LRBA: variants seen among roughly 807,000 people sequenced by gnomAD.
LRBA encodes LPS responsive beige-like anchor protein, also known as lipopolysaccharide-responsive and beige-like anchor protein.
In LRBA, 176 loss-of-function variants were observed where a neutral mutation model predicts 330.0. The ratio of observed to expected loss-of-function variants is 0.53; its 90% CI spans 0.47 to 0.60. The LOEUF is 0.60. LRBA is among the 20% of genes least tolerant of loss of function. LRBA has a pLI of 0.00. For synonymous variants in LRBA, 1,230 were observed against 1,193.0 expected (o/e 1.03, Z -0.64); for missense variants, 3,259 against 3,444.8 (o/e 0.95, Z 1.35).
chr4:150,423,788 T>A (rs1749161920), intron 46 of LRBA: 1 of 160,994 alleles, frequency 6.2e-6, no homozygotes, highest in Non-Finnish European at 1.3e-5. Flanking sequence ...GGTTAGTTCT[T>A]ACTCTTTAGA....
intron 17 of LRBA, among the ~76,000 whole-genome samples, chr4:150,883,992 A>G (rs895662313): frequency 6.6e-6 from 1 of 152,218 alleles, no homozygotes; most frequent in Non-Finnish European, 1.5e-5. Flanking sequence ...ACTGAAAAAT[A>G]TTTATTGTTG....
chr4:150,278,695 A>G (rs1301644313), intron 55 of LRBA, among the ~76,000 whole-genome samples: 1 of 152,216 alleles, frequency 6.6e-6, no homozygotes, highest in Non-Finnish European at 1.5e-5. Flanking sequence ...GCATCCATGA[A>G]TGAAAGCCTG....
intron 2 of LRBA, among the ~76,000 whole-genome samples, chr4:150,975,267 G>A (rs1427598025): frequency 1.3e-5 from 2 of 152,162 alleles, no homozygotes; most frequent in East Asian, 1.9e-4. Flanking sequence ...AGTGGCTCAC[G>A]CCTGTAATCC....
Position 150,321,851 on chromosome 4 carries a change from G to A in LRBA, c.7453-483C>T, listed in dbSNP as rs556795459. 1.3e-5 allele frequency among the ~76,000 whole-genome samples: 2 copies of A among 152,060 alleles called. No individual in the cohort carries two copies. The highest frequency in any genetic ancestry group is 1.5e-5 in the Non-Finnish European group (1 of 68,006). On this transcript the variant is annotated intron_variant, in intron 49 of 56. Coordinates refer to ENST00000651943, the MANE Select transcript of LRBA (RefSeq NM_001364905.1). This position sits in a 1 kb window ranked among gnomAD's most constrained non-coding sequence, Gnocchi z 4.5. ...CATCAAAAGTTGTGTTGAGTTAGCAGGAAGATTTTGACAACTACAAAGAGG... is the reference window on the plus strand; with the variant it reads ...CATCAAAAGTTGTGTTGAGTTAGCAAGAAGATTTTGACAACTACAAAGAGG...
intron 33 of LRBA, among the ~76,000 whole-genome samples, chr4:150,803,626 T>C (rs1742096707): frequency 6.6e-6 from 1 of 152,290 alleles, no homozygotes; most frequent in South Asian, 2.1e-4. Context: ...GCTTATACAG[T>C]ACTATGGCAC....
chr4:150,636,606 C>A (rs976683363), intron 37 of LRBA, among the ~76,000 whole-genome samples: 9 of 152,136 alleles, frequency 5.9e-5, no homozygotes, highest in African/African-American at 2.2e-4. Flanking sequence ...TGTCACTATT[C>A]CCAGGCCCCC....
intron 40 of LRBA, among the ~76,000 whole-genome samples, chr4:150,521,507 A>AG (rs1232152748): frequency 1.3e-5 from 2 of 152,070 alleles, no homozygotes; most frequent in East Asian, 3.9e-4. Context: ...TTCACACCTC[A>AG]GCCTCCCACA....
At chr4:150,282,133 C>T (rs554694882) in intron 55 of LRBA, among the ~76,000 whole-genome samples, 1 of 152,294 alleles carries the variant, frequency 6.6e-6, no homozygotes, top group South Asian at 2.1e-4. Context: ...ATGTGCAGTG[C>T]ATTTTCTTAG....
chr4:150,303,687 C>T (rs1729972740), intron 52 of LRBA, among the ~76,000 whole-genome samples: 1 of 152,156 alleles, frequency 6.6e-6, no homozygotes, highest in Admixed American at 6.5e-5. Flanking sequence ...TTCTCCTGCT[C>T]AGCCTCCCAG....
intron 44 of LRBA, among the ~76,000 whole-genome samples, chr4:150,453,100 T>G (rs77510286): frequency 0.17 from 25,413 of 152,120 alleles, 2,186 homozygotes; most frequent in Non-Finnish European, 0.2. Flanking sequence ...CATTCAATAT[T>G]CTTAGTACTT....
At chr4:150,453,820 T>C (rs1753687334) in intron 44 of LRBA, among the ~76,000 whole-genome samples, 1 of 152,208 alleles carries the variant, frequency 6.6e-6, no homozygotes, top group Non-Finnish European at 1.5e-5. Context: ...GCAAGTGTTA[T>C]ACATTTAACA....
chr4:150,711,453 G>A (rs1158072531), intron 36 of LRBA, among the ~76,000 whole-genome samples: 1 of 151,814 alleles, frequency 6.6e-6, no homozygotes, highest in South Asian at 2.1e-4. Context: ...GGCCAGGCTG[G>A]TCTCGAACTC....
At chr4:150,996,136 A>G (rs960492039) in intron 2 of LRBA, among the ~76,000 whole-genome samples, 1 of 152,018 alleles carries the variant, frequency 6.6e-6, no homozygotes, top group South Asian at 2.1e-4. Context: ...AAACTTGGGC[A>G]TTAATTGGTA....
rs757736418 is a variant in LRBA, at chr4:150,598,987, G to A, written c.6046+20C>T. 153 of 1,613,070 alleles carry A rather than the reference G, an allele frequency of 9.5e-5. No individual in the cohort carries two copies. Among genetic ancestry groups the A allele is most frequent in the Non-Finnish European group, 1.3e-4 (148 of 1,179,408 alleles). ...GTCCTGTACCTGCTGCTATTGGCAAGGAATGGTTTATACACTGACCATGTT... is the reference window on the plus strand; with the variant it reads ...GTCCTGTACCTGCTGCTATTGGCAAAGAATGGTTTATACACTGACCATGTT... On this transcript the variant is annotated intron_variant, in intron 38 of 56. Coordinates refer to ENST00000651943, the MANE Select transcript of LRBA (RefSeq NM_001364905.1).
At chr4:150,841,969 T>G (rs1749152496) in intron 28 of LRBA, among the ~76,000 whole-genome samples, 1 of 152,194 alleles carries the variant, frequency 6.6e-6, no homozygotes, top group African/African-American at 2.4e-5. Context: ...GATTTCCTTT[T>G]TCATCATAGG....
At chr4:150,699,312 A>G (rs1402643575) in intron 36 of LRBA, among the ~76,000 whole-genome samples, 1 of 152,110 alleles carries the variant, frequency 6.6e-6, no homozygotes, top group Non-Finnish European at 1.5e-5. Flanking sequence ...TGCAATATCT[A>G]GTATTGTTTT....
intron 17 of LRBA, among the ~76,000 whole-genome samples, chr4:150,887,188 G>C (rs1048215141): frequency 6.6e-6 from 1 of 152,048 alleles, no homozygotes; most frequent in Non-Finnish European, 1.5e-5. Context: ...TGAAATTTTA[G>C]ACTTGAAATG....
chr4:150,517,270 C>T (rs1762449335), intron 40 of LRBA, among the ~76,000 whole-genome samples: 1 of 152,058 alleles, frequency 6.6e-6, no homozygotes, highest in Non-Finnish European at 1.5e-5. Flanking sequence ...ACTTGCAATC[C>T]CAACACTTTA....
intron 37 of LRBA, among the ~76,000 whole-genome samples, chr4:150,627,856 T>C (rs1022992327): frequency 1.3e-5 from 2 of 152,102 alleles, no homozygotes; most frequent in Admixed American, 1.3e-4. Flanking sequence ...TAAAAATATG[T>C]TTCCCCTTCT....
Sources: allele counts gnomAD v4.1 joint callset (sites outside exome capture counted in the v4.1 genomes callset), GRCh38; gene constraint gnomAD v4.1.1; non-coding constraint Gnocchi (gnomAD v3.1); transcripts MANE v1.5; gene names NCBI Gene and HGNC (gene_info 2026-07-23, HGNC 2026-07-21).